ADAM32: variants seen among roughly 807,000 people sequenced by gnomAD.
ADAM32 encodes ADAM metallopeptidase domain 32.
ADAM32 carries 89 observed loss-of-function variants against 114.9 expected under a neutral mutation model. The observed-to-expected ratio is 0.77, with a 90% CI of 0.65 to 0.92. The LOEUF (loss-of-function observed/expected upper bound fraction) is 0.92. Among genes scored for constraint, ADAM32 ranks in the 40% least tolerant of loss-of-function variants. The pLI, the probability that ADAM32 is intolerant of heterozygous loss-of-function variation, is 0.00. For missense variants in ADAM32, 870 were observed against 932.8 expected, an observed-to-expected ratio of 0.93 and a Z score of 0.88; for synonymous variants, 285 against 307.5, an observed-to-expected ratio of 0.93 and a Z score of 0.77.
intron 3 of ADAM32, among the ~76,000 whole-genome samples, chr8:39,137,849 T>A (rs1287451311): frequency 6.6e-6 from 1 of 151,644 alleles, no homozygotes; most frequent in Non-Finnish European, 1.5e-5. Flanking sequence ...AAAGGTTAAC[T>A]TACTCTTTTA....
At chr8:39,221,811 A>G (rs1442147128) in intron 13 of ADAM32, 109 bp downstream of exon 13, 6 of 663,610 alleles carry the variant, frequency 9.0e-6, no homozygotes, top group Admixed American at 3.6e-5. Flanking sequence ...TACTTTTCAG[A>G]TAAAGAGAAA....
At chr8:39,215,855 G>A (rs1028550066) in intron 12 of ADAM32, among the ~76,000 whole-genome samples, 3 of 152,012 alleles carry the variant, frequency 2.0e-5, no homozygotes, top group African/African-American at 7.2e-5. Context: ...AGAAAAGAAT[G>A]TGTGTTTTTC....
intron 11 of ADAM32, among the ~76,000 whole-genome samples, chr8:39,189,774 A>C (rs1229674678): frequency 2.0e-5 from 3 of 151,906 alleles, no homozygotes; most frequent in Non-Finnish European, 4.4e-5. Flanking sequence ...CACTCTTCCC[A>C]GTCTCTGGAA....
chr8:39,250,990 T>C (rs1291500408), intron 17 of ADAM32, among the ~76,000 whole-genome samples: 1 of 151,984 alleles, frequency 6.6e-6, no homozygotes. Flanking sequence ...TCCATGTTGC[T>C]ATGAGTGATG....
intron 3 of ADAM32, among the ~76,000 whole-genome samples, chr8:39,140,965 T>A (rs1391885358): frequency 6.6e-6 from 1 of 152,196 alleles, no homozygotes; most frequent in Non-Finnish European, 1.5e-5. Flanking sequence ...CTTCTAGATT[T>A]TCTAGTTTAT....
At chr8:39,266,116 T>G (rs1812333801) in intron 19 of ADAM32, among the ~76,000 whole-genome samples, 1 of 152,198 alleles carries the variant, frequency 6.6e-6, no homozygotes, top group Non-Finnish European at 1.5e-5. Flanking sequence ...ACATTGCCTT[T>G]GGAGAATCTG....
intron 2 of ADAM32, among the ~76,000 whole-genome samples, chr8:39,133,829 C>T (rs2129444918): frequency 6.6e-6 from 1 of 152,296 alleles, no homozygotes; most frequent in Middle Eastern, 3.4e-3. Context: ...TGAGCTTGCC[C>T]TCAGGCTCAA....
chr8:39,281,130 T>G lies in ADAM32; in HGVS notation c.2280-6T>G. ...TTAATATATATTGTTTTTAATTTAT[T>G]TTTAGATCCAAATCAGAAGATAGTG... On this transcript the variant is annotated splice_region_variant and splice_polypyrimidine_tract_variant and intron_variant, in intron 22 of 24. Transcript: ENST00000379907. 1 of 1,320,720 alleles carries G rather than the reference T, an allele frequency of 7.6e-7. No homozygotes were observed. The highest frequency in any genetic ancestry group is 9.9e-7 in the Non-Finnish European group (1 of 1,010,734). 81.8% of individuals were successfully genotyped at this position (1,320,720 alleles called of 1,614,324 possible).
At chr8:39,163,700 C>T (rs547811433) in intron 7 of ADAM32, among the ~76,000 whole-genome samples, 1 of 152,236 alleles carries the variant, frequency 6.6e-6, no homozygotes, top group African/African-American at 2.4e-5. Context: ...GAACAATTTC[C>T]GCTCTCATGG....
intron 18 of ADAM32, 60 bp downstream of exon 18, chr8:39,254,576 T>C (rs1811521276): frequency 1.5e-6 from 2 of 1,312,566 alleles, no homozygotes; most frequent in Non-Finnish European, 2.1e-6. Flanking sequence ...TTATCTTCAC[T>C]AAAACAAAGT....
intron 2 of ADAM32, 72 bp from the exon 3 acceptor site, chr8:39,136,585 A>G: frequency 1.1e-6 from 1 of 927,530 alleles, no homozygotes; most frequent in South Asian, 1.7e-5. Context: ...GGACAGATTA[A>G]TTGATATAAA....
intron 10 of ADAM32, among the ~76,000 whole-genome samples, chr8:39,185,707 TC>T (rs1185899554): frequency 6.6e-6 from 1 of 152,148 alleles, no homozygotes; most frequent in Admixed American, 6.5e-5. Flanking sequence ...TTTGTTCCAG[TC>T]CAGCCTTCTA....
chr8:39,125,962 A>C (rs1430326733), intron 2 of ADAM32, among the ~76,000 whole-genome samples: 1 of 152,174 alleles, frequency 6.6e-6, no homozygotes, highest in Non-Finnish European at 1.5e-5. Flanking sequence ...GTCAGAGATC[A>C]GATGGTTGTA....
intron 19 of ADAM32, among the ~76,000 whole-genome samples, chr8:39,269,413 G>A (rs1383117373): frequency 6.6e-6 from 1 of 152,116 alleles, no homozygotes; most frequent in Non-Finnish European, 1.5e-5. Flanking sequence ...GGTAAATTTA[G>A]TCTTACCCCA....
intron 19 of ADAM32, among the ~76,000 whole-genome samples, chr8:39,270,385 T>C (rs1044732314): frequency 6.6e-6 from 1 of 152,184 alleles, no homozygotes; most frequent in Non-Finnish European, 1.5e-5. Flanking sequence ...TTATTATTCC[T>C]GTTTCATGGG....
At chr8:39,109,619 G>A (rs1840070673) in intron 1 of ADAM32, among the ~76,000 whole-genome samples, 1 of 152,140 alleles carries the variant, frequency 6.6e-6, no homozygotes, top group Admixed American at 6.5e-5. Context: ...TAGCAAAATT[G>A]AGCTGAAAGA....
intron 10 of ADAM32, among the ~76,000 whole-genome samples, chr8:39,175,459 G>A (rs904814031): frequency 1.4e-4 from 22 of 152,126 alleles, no homozygotes; most frequent in Admixed American, 1.2e-3. Context: ...CTTTAGTTCT[G>A]TTTATGTGAT....
intron 13 of ADAM32, 72 bp from the exon 14 acceptor site, chr8:39,222,968 T>C: frequency 1.5e-6 from 2 of 1,309,954 alleles, no homozygotes; most frequent in Non-Finnish European, 2.1e-6. Context: ...ATTAACACAA[T>C]TTTGAAGTAA....
At chr8:39,172,330 T>C (rs963096829) in intron 10 of ADAM32, among the ~76,000 whole-genome samples, 8 of 152,204 alleles carry the variant, frequency 5.3e-5, no homozygotes, top group Non-Finnish European at 1.2e-4. Context: ...AGCACTTTTT[T>C]TCTTCAGCGT....
Sources: allele counts gnomAD v4.1 joint callset (sites outside exome capture counted in the v4.1 genomes callset), GRCh38; gene constraint gnomAD v4.1.1; transcripts MANE v1.5; gene names NCBI Gene and HGNC (gene_info 2026-07-23, HGNC 2026-07-21).